Variants in ENGASE observed in about 807,000 individuals in gnomAD.
The protein encoded by ENGASE is cytosolic endo-beta-N-acetylglucosaminidase.
A neutral mutation model predicts 78.5 loss-of-function variants in ENGASE; 69 were observed. The observed-to-expected ratio is 0.88, with a 90% confidence interval of 0.72 to 1.07. The LOEUF (loss-of-function observed/expected upper bound fraction) is 1.07, where lower values mean the gene tolerates loss of function less well. ENGASE is among the 50% of genes least tolerant of loss of function. ENGASE has a pLI of 0.00. For synonymous variants in ENGASE, 408 were observed against 408.9 expected, an observed-to-expected ratio of 1.00 and a Z score of 0.03; for missense variants, 943 against 988.4, an observed-to-expected ratio of 0.95 and a Z score of 0.62.
At position 79,083,099 on chromosome 17, in the gene ENGASE, A is replaced by G; in HGVS notation, c.1118A>G (p.Lys373Arg). The change falls in exon 8 of 14, where the codon AAG becomes AGG. Residue 373 changes from lysine to arginine, a missense_variant. Physicochemically the swap from Lys to Arg is conservative, Grantham distance 26. Coordinates refer to ENST00000579016, the MANE Select transcript of ENGASE (RefSeq NM_001042573.3). This position sits in a 1 kb window ranked among gnomAD's most constrained non-coding sequence, Gnocchi z 4.9. ...PGWVYECLEK[K>R]DFFQNQDKFW... is the part of the protein sequence containing the mutation. ...TGGGTGTATGAGTGTCTGGAGAAGA[A>G]GGATTTCTTCCAGAACCAGGACAAG... is the stretch of plus-strand genomic sequence containing the variant. 2 of 1,613,768 alleles carry G rather than the reference A, an allele frequency of 1.2e-6. No homozygotes were observed. The highest frequency in any genetic ancestry group is 1.7e-4 in the Middle Eastern group (1 of 6,060).
rs1394523799 is a variant in ENGASE at position 79,075,600 on chromosome 17, C to T, written c.146+510C>T. On this transcript the variant is annotated intron_variant, in intron 1 of 13. Transcript: ENST00000579016. ...AACAGAAAGGGCCAAAGCACAGAGA[C>T]AGAAAGGGACGAACATGCCCCTCTG... 5 of 737,180 alleles carry T rather than the reference C, an allele frequency of 6.8e-6. No individual in the cohort carries two copies. In the African/African-American group the frequency reaches 9.6e-5, roughly 14 times the overall value. 45.7% of individuals were successfully genotyped at this position (737,180 alleles called of 1,614,324 possible). A position where few individuals can be genotyped will look rare whatever the true frequency, so the allele number is the denominator to read the frequency against.
chr17:79,075,920 G>A, intron 1 of ENGASE: 1 of 984,450 alleles, frequency 1.0e-6, no homozygotes, highest in Non-Finnish European at 1.2e-6. Flanking sequence ...GTTCTGAGAA[G>A]GTCTGGGAGG....
At position 79,087,243 on chromosome 17, in the gene ENGASE, C is replaced by T. The variant is rs2073343262; in HGVS notation, c.*894C>T. 2 of 351,490 alleles carry T rather than the reference C, an allele frequency of 5.7e-6. No homozygotes were observed. The highest frequency in any genetic ancestry group is 1.0e-3 in the Middle Eastern group (1 of 988). The allele number at this position is 351,490 out of a possible 1,614,324, so 21.8% of individuals were successfully genotyped here. On this transcript the variant is annotated 3_prime_UTR_variant, in exon 14 of 14. Coordinates refer to ENST00000579016, the MANE Select transcript of ENGASE (RefSeq NM_001042573.3). Reference sequence around the variant, plus strand: ...CGCCAGCCCAGCCCCAGCCTGAGTGCAGGAGCTGCAGGACCCGCGGGGGCT... The same window carrying T: ...CGCCAGCCCAGCCCCAGCCTGAGTGTAGGAGCTGCAGGACCCGCGGGGGCT...
chr17:79,077,536 CA>C (rs2145972460), intron 2 of ENGASE, 39 bp downstream of exon 2: 1 of 1,547,012 alleles, frequency 6.5e-7, no homozygotes, highest in Admixed American at 2.0e-5. Context: ...TCCACCTTCA[CA>C]CCTGGGGCTT....
In ENGASE at chr17:79,077,451, GAC is replaced by G. The variant is rs563596886; in HGVS notation, c.170_171del (p.Thr57SerfsTer16). Reference sequence around the variant, plus strand: ...TTAGCATCAAAGATGAAGAAGAAGAGACAGTCTTTCGAGAGGTGGTCAGTTTT... The same window carrying G: ...TTAGCATCAAAGATGAAGAAGAAGAGAGTCTTTCGAGAGGTGGTCAGTTTT... ...GRSIKDEEEE[T>X]VFREVVSFSP... On this transcript the variant is annotated frameshift_variant, in exon 2 of 14. Coordinates refer to ENST00000579016, the MANE Select transcript of ENGASE (RefSeq NM_001042573.3). LOFTEE classifies it high-confidence loss of function. The G allele has an allele frequency of 2.5e-6, 4 of 1,587,654 alleles. No individual in the cohort carries two copies. The highest frequency in any genetic ancestry group is 2.3e-5 in the South Asian group (2 of 85,766).
intron 1 of ENGASE, 90 bp downstream of exon 1, chr17:79,075,180 A>G (rs2072938049): frequency 3.8e-5 from 45 of 1,172,362 alleles, no homozygotes; most frequent in Admixed American, 4.5e-5. Context: ...GGGCGCGCCG[A>G]GGGGCGGGGG....
Position 79,083,285 on chromosome 17 carries a change from C to T in ENGASE, c.1142+162C>T. The T allele has an allele frequency of 1.4e-6, 1 of 718,686 alleles. No individual in the cohort carries two copies. Among genetic ancestry groups the T allele is most frequent in the South Asian group, 1.8e-5 (1 of 55,400 alleles). The allele number at this position is 718,686 out of a possible 1,614,324, so 44.5% of individuals were successfully genotyped here. ...AGCCAGCACCCTGGCTGCTTCCGGGCAGGGACCAAACCCAGCGGCCGCTTC... is the reference window on the plus strand; with the variant it reads ...AGCCAGCACCCTGGCTGCTTCCGGGTAGGGACCAAACCCAGCGGCCGCTTC... On this transcript the variant is annotated intron_variant, in intron 8 of 13. Transcript: ENST00000579016. The surrounding 1 kb of genome is among the most constrained non-coding windows in gnomAD (Gnocchi z 4.9).
At chr17:79,082,274 C>A in intron 7 of ENGASE, 1 of 1,510,254 alleles carries the variant, frequency 6.6e-7, no homozygotes, top group Non-Finnish European at 8.8e-7. Context: ...TTTCTACAAT[C>A]AGATAATGTA....
Position 79,086,063 on chromosome 17 carries a change from T to A in ENGASE, c.1946T>A (p.Leu649Gln). The A allele has an allele frequency of 6.2e-7, 1 of 1,613,496 alleles. No individual in the cohort carries two copies. The part of the protein sequence containing the change: ...PPALLQLSCT[L>Q]HWSFLLSQVR... ...GCTCTGCTCCAGCTCAGCTGCACCC[T>A]GCACTGGTCCTTCCTCCTCTCACAA... Residue 649 changes from leucine to glutamine, a missense_variant, in exon 14 of 14, where the codon CTG becomes CAG. Coordinates refer to ENST00000579016, the MANE Select transcript of ENGASE (RefSeq NM_001042573.3).
Position 79,083,835 on chromosome 17 carries a change from A to AGGGGATGGCCGGGGCTGGGT in ENGASE, c.1328_1347dup (p.Arg450GlyfsTer7). 6.2e-7 allele frequency: 1 copy of AGGGGATGGCCGGGGCTGGGT among 1,612,620 alleles called. No individual in the cohort carries two copies. The highest frequency in any genetic ancestry group is 8.5e-7 in the Non-Finnish European group (1 of 1,179,698). On this transcript the variant is annotated frameshift_variant, in exon 10 of 14. Transcript: ENST00000579016. LOFTEE classifies it high-confidence loss of function. This position sits in a 1 kb window ranked among gnomAD's most constrained non-coding sequence, Gnocchi z 4.9. ...CCTTGTTTGGAGAACACAGGCTGGGAGGGGATGGCCGGGGCTGGGTGAGGA... is the reference window on the plus strand; with the variant it reads ...CCTTGTTTGGAGAACACAGGCTGGGAGGGGATGGCCGGGGCTGGGTGGGGATGGCCGGGGCTGGGTGAGGA...
chr17:79,077,388 T>C, intron 1 of ENGASE, 42 bp from the exon 2 acceptor site: 1 of 1,569,506 alleles, frequency 6.4e-7, no homozygotes, highest in Non-Finnish European at 8.6e-7. Context: ...TCTTACCTAT[T>C]TATGTTTTTA....
chr17:79,085,127 C>G, intron 11 of ENGASE, 107 bp from the exon 12 acceptor site: 4 of 865,464 alleles, frequency 4.6e-6, no homozygotes, highest in Non-Finnish European at 7.8e-6. Flanking sequence ...GAGCGTCTGG[C>G]CGAATCAGGC....
chr17:79,080,384 C>T lies in ENGASE; in HGVS notation c.723+20C>T, dbSNP rs745594664. On this transcript the variant is annotated intron_variant, in intron 5 of 13. Coordinates refer to ENST00000579016, the MANE Select transcript of ENGASE (RefSeq NM_001042573.3). Reference sequence around the variant, plus strand: ...CTGAGTGTGAGTGCCCAGCCCTCACCCACCTCCCCGCCCCTTGCTGTGTTG... The same window carrying T: ...CTGAGTGTGAGTGCCCAGCCCTCACTCACCTCCCCGCCCCTTGCTGTGTTG... 1 of 1,610,028 alleles carries T rather than the reference C, an allele frequency of 6.2e-7. No individual in the cohort carries two copies. The highest frequency in any genetic ancestry group is 8.5e-7 in the Non-Finnish European group (1 of 1,179,398).
Position 79,084,596 on chromosome 17 carries a change from C to T in ENGASE, c.1501C>T (p.Leu501Phe). 6.2e-7 allele frequency: 1 copy of T among 1,611,122 alleles called. No homozygotes were observed. The highest frequency in any genetic ancestry group is 1.7e-5 in the Admixed American group (1 of 59,060). The stretch of plus-strand genomic sequence containing the variant: ...GATTTACCTGTCCATGGTGTATAAG[C>T]TTGAGGGGCCCACGGACGTCACAGT... ...PKIYLSMVYK[L>F]EGPTDVTVAL... is the part of the protein sequence containing the mutation. The change falls in exon 11 of 14, where the codon CTT (leucine) becomes TTT (phenylalanine). Residue 501 changes from leucine (L) to phenylalanine (F), a missense_variant. Leu to Phe is a conservative substitution (Grantham distance 22, BLOSUM62 0). Transcript: ENST00000579016.
chr17:79,085,687 G>C lies in ENGASE; in HGVS notation c.1768G>C (p.Gly590Arg). 1.2e-6 allele frequency: 2 copies of C among 1,613,962 alleles called. No individual in the cohort carries two copies. The highest frequency in any genetic ancestry group is 2.2e-5 in the South Asian group (2 of 91,090). Residue 590 changes from glycine (G) to arginine (R), a missense_variant, in exon 13 of 14, where the codon GGT becomes CGT. By Grantham distance (125) the Gly-to-Arg change is moderately radical. Coordinates refer to ENST00000579016, the MANE Select transcript of ENGASE (RefSeq NM_001042573.3). The stretch of plus-strand genomic sequence containing the variant: ...CCTCGTTTGCTTCTCACGGCCGCCG[G>C]GTAGTCGGGAGGAGGAGAGCTTCAC... ...DLLVCFSRPP[G>R]SREEESFTCR... is the part of the protein sequence containing the mutation.
intron 1 of ENGASE, among the ~76,000 whole-genome samples, chr17:79,076,569 AT>A (rs1376870943): frequency 6.6e-6 from 1 of 152,200 alleles, no homozygotes; most frequent in East Asian, 1.9e-4. Flanking sequence ...GTCTCAATTA[AT>A]CAATCAATTT....
intron 1 of ENGASE, chr17:79,075,576 A>G (rs2072949290): frequency 2.0e-6 from 1 of 506,154 alleles, no homozygotes; most frequent in Non-Finnish European, 2.6e-6. Flanking sequence ...CTGGCGGGGA[A>G]CAGAAAGGGC....
chr17:79,079,734 A>C, intron 4 of ENGASE, 97 bp downstream of exon 4: 1 of 1,502,420 alleles, frequency 6.7e-7, no homozygotes, highest in Non-Finnish European at 9.0e-7. Context: ...CCTGCTTCTC[A>C]GTGCCCAGAG....
Position 79,083,438 on chromosome 17 carries a change from C to T in ENGASE, c.1143-44C>T. The T allele has an allele frequency of 6.7e-7, 1 of 1,483,792 alleles. No individual in the cohort carries two copies. The highest frequency in any genetic ancestry group is 9.4e-7 in the Non-Finnish European group (1 of 1,068,480). The allele number at this position is 1,483,792 out of a possible 1,614,324, so 91.9% of individuals were successfully genotyped here. ...AGTTTGAGGGACACTGAGAGGCTCC[C>T]TCCCTTCCTCCGGACCGAGCTGTTG... is the stretch of plus-strand genomic sequence containing the variant. On this transcript the variant is annotated intron_variant, in intron 8 of 13. Transcript: ENST00000579016. This position sits in a 1 kb window ranked among gnomAD's most constrained non-coding sequence, Gnocchi z 4.9.
Sources: gnomAD v4.1 joint callset for allele counts (sites outside exome capture counted in the v4.1 genomes callset) on GRCh38, gnomAD v4.1.1 for gene constraint, Gnocchi (gnomAD v3.1) non-coding constraint, MANE v1.5 for transcripts, NCBI Gene and HGNC (gene_info 2026-07-23, HGNC 2026-07-21) for gene names.